PCED1B: variants seen among roughly 807,000 people sequenced by gnomAD.
PCED1B encodes the protein PC-esterase domain-containing protein 1B.
For synonymous variants in PCED1B, 251 were observed against 246.1 expected, an observed-to-expected ratio of 1.02 and a Z score of -0.19; for missense variants, 573 against 573.9, an observed-to-expected ratio of 1.00 and a Z score of 0.02.
At position 47,133,854 on chromosome 12, in the gene PCED1B, G is replaced by A. The variant is rs1940233287; in HGVS notation, c.-526+29659G>A. On this transcript the variant is annotated intron_variant, in intron 2 of 3. Coordinates refer to ENST00000546455, the MANE Select transcript of PCED1B (RefSeq NM_138371.3). The stretch of plus-strand genomic sequence containing the variant: ...AGTGGAACCTTTAGGAGGTGATTTA[G>A]GCTCTAGCCTCATGAATGGGATTAG... 3.3e-5 allele frequency among the ~76,000 whole-genome samples: 5 copies of A among 152,130 alleles called. No homozygotes were observed. In the South Asian group the frequency reaches 1.0e-3, roughly 31 times the overall value.
chr12:47,092,147 C>T (rs1938293757), intron 1 of PCED1B, among the ~76,000 whole-genome samples: 1 of 152,024 alleles, frequency 6.6e-6, no homozygotes, highest in South Asian at 2.1e-4. Context: ...AACATCTTTA[C>T]AATATTGAGT....
intron 2 of PCED1B, among the ~76,000 whole-genome samples, chr12:47,151,434 A>G (rs192792676): frequency 2.6e-4 from 40 of 152,324 alleles, no homozygotes; most frequent in Non-Finnish European, 2.4e-4. Flanking sequence ...GTGTATGTGC[A>G]GTCTACAATG....
At chr12:47,139,481 G>A (rs1201897054) in intron 2 of PCED1B, among the ~76,000 whole-genome samples, 2 of 152,196 alleles carry the variant, frequency 1.3e-5, no homozygotes, top group African/African-American at 4.8e-5. Context: ...ATGCCAATGG[G>A]CTAAGACAGA....
At chr12:47,102,196 G>A (rs1592142159) in intron 1 of PCED1B, among the ~76,000 whole-genome samples, 1 of 152,292 alleles carries the variant, frequency 6.6e-6, no homozygotes, top group African/African-American at 2.4e-5. Flanking sequence ...AATACTAGAA[G>A]TCATTTCAAC....
At chr12:47,168,231 C>T (rs538987776) in intron 2 of PCED1B, among the ~76,000 whole-genome samples, 2 of 152,148 alleles carry the variant, frequency 1.3e-5, no homozygotes, top group Non-Finnish European at 2.9e-5. Flanking sequence ...TTTAAGCCTC[C>T]TTCTGTCTCT....
At chr12:47,227,059 G>C (rs1236436931) in intron 3 of PCED1B, among the ~76,000 whole-genome samples, 4 of 152,164 alleles carry the variant, frequency 2.6e-5, no homozygotes, top group African/African-American at 9.6e-5. Flanking sequence ...TAGTCTTGAG[G>C]GTGTCAGATT....
intron 2 of PCED1B, among the ~76,000 whole-genome samples, chr12:47,109,250 T>G (rs1372073714): frequency 6.6e-6 from 1 of 152,238 alleles, no homozygotes; most frequent in African/African-American, 2.4e-5. Flanking sequence ...CTTGCAACTT[T>G]CAGCAAACCA....
intron 2 of PCED1B, among the ~76,000 whole-genome samples, chr12:47,117,097 C>T (rs1020433757): frequency 2.6e-5 from 4 of 152,150 alleles, no homozygotes; most frequent in African/African-American, 4.8e-5. Context: ...ATCCTCCCAC[C>T]ATGGACTCCC....
chr12:47,173,376 C>G (rs1479678622), intron 2 of PCED1B, among the ~76,000 whole-genome samples: 2 of 152,186 alleles, frequency 1.3e-5, no homozygotes, highest in African/African-American at 4.8e-5. Context: ...GCCTCAGCCT[C>G]TCGAGTAGCT....
intron 1 of PCED1B, among the ~76,000 whole-genome samples, chr12:47,098,685 T>C (rs552173446): frequency 6.6e-6 from 1 of 152,258 alleles, no homozygotes; most frequent in African/African-American, 2.4e-5. Flanking sequence ...GGTTTCATTG[T>C]GTAAGCCAGG....
At chr12:47,209,221 T>C (rs976115213) in intron 2 of PCED1B, 5 of 152,346 alleles carry the variant, frequency 3.3e-5, no homozygotes, top group Non-Finnish European at 5.9e-5. Context: ...ATATTCCTCA[T>C]GGAGACAGTA....
chr12:47,211,653 C>CAA (rs760117906), intron 2 of PCED1B, among the ~76,000 whole-genome samples: 1,915 of 65,402 alleles, frequency 0.029, 55 homozygotes, highest in Middle Eastern at 0.051. Flanking sequence ...GACTCTGTCT[C>CAA]AAAAAAAAAA....
chr12:47,091,607 T>C (rs1938269348), intron 1 of PCED1B, among the ~76,000 whole-genome samples: 1 of 152,202 alleles, frequency 6.6e-6, no homozygotes, highest in Non-Finnish European at 1.5e-5. Context: ...GCTTATTTTC[T>C]ATTTAACAAA....
Position 47,236,306 on chromosome 12 carries a change from CG to C in PCED1B, c.1245del (p.Pro416LeufsTer21), listed in dbSNP as rs1565622361. On this transcript the variant is annotated frameshift_variant, in exon 4 of 4. Coordinates refer to ENST00000546455, the MANE Select transcript of PCED1B (RefSeq NM_138371.3). LOFTEE classifies it low-confidence loss of function (END_TRUNC). ...PRGPYTPWGQ[R>X]PRPSKRRAPA... ...TGGCCCCTATACGCCCTGGGGACAG[CG>C]GCCTCGACCTTCAAAGAGAAGGGCC... 1 of 1,613,162 alleles carries C rather than the reference CG, an allele frequency of 6.2e-7. No homozygotes were observed. Among genetic ancestry groups the C allele is most frequent in the Non-Finnish European group, 8.5e-7 (1 of 1,179,624 alleles).
At chr12:47,202,914 C>T (rs1942809834) in intron 2 of PCED1B, among the ~76,000 whole-genome samples, 2 of 151,712 alleles carry the variant, frequency 1.3e-5, no homozygotes, top group Non-Finnish European at 2.9e-5. Context: ...TTTTCATTTA[C>T]CACTATACTT....
intron 3 of PCED1B, among the ~76,000 whole-genome samples, chr12:47,233,776 G>T (rs1388393103): frequency 6.6e-6 from 1 of 152,148 alleles, no homozygotes; most frequent in Admixed American, 6.5e-5. Context: ...TCGATTTTCA[G>T]TTGCTTTCTG....
chr12:47,168,632 G>A (rs17097660), intron 2 of PCED1B, among the ~76,000 whole-genome samples: 1,921 of 152,184 alleles, frequency 0.013, 32 homozygotes, highest in African/African-American at 0.042. Flanking sequence ...TAATGGCAAA[G>A]GCACTTAAAG....
At chr12:47,175,897 C>CT (rs1278951627) in intron 2 of PCED1B, among the ~76,000 whole-genome samples, 162 of 143,032 alleles carry the variant, frequency 1.1e-3, no homozygotes, top group Non-Finnish European at 9.1e-4. Context: ...AATTTTATTT[C>CT]TTTTTTTTTT....
At chr12:47,126,830 G>C (rs954461816) in intron 2 of PCED1B, among the ~76,000 whole-genome samples, 16 of 152,030 alleles carry the variant, frequency 1.1e-4, no homozygotes, top group African/African-American at 3.9e-4. Flanking sequence ...ACACTCTGTT[G>C]AGTCCATAGT....
Sources: allele counts gnomAD v4.1 joint callset (sites outside exome capture counted in the v4.1 genomes callset), GRCh38; gene constraint gnomAD v4.1.1; transcripts MANE v1.5; gene names NCBI Gene and HGNC (gene_info 2026-07-23, HGNC 2026-07-21).